Variants in GPC6 observed in about 807,000 individuals in gnomAD.
GPC6 encodes the protein glypican 6.
GPC6 carries 14 observed loss-of-function variants against 55.2 expected under a neutral mutation model. That is an observed-to-expected ratio of 0.25 (90% CI 0.17 to 0.40). The LOEUF (loss-of-function observed/expected upper bound fraction) is 0.40. GPC6 is among the 10% of genes least tolerant of loss of function. The pLI, the probability that GPC6 is intolerant of heterozygous loss-of-function variation, is 1.00. For missense variants in GPC6, 641 were observed against 708.5 expected, an observed-to-expected ratio of 0.90 and a Z score of 1.08; for synonymous variants, 278 against 259.6, an observed-to-expected ratio of 1.07 and a Z score of -0.68.
At chr13:93,674,008 A>G (rs1029243992) in intron 2 of GPC6, among the ~76,000 whole-genome samples, 2 of 152,052 alleles carry the variant, frequency 1.3e-5, no homozygotes, top group African/African-American at 4.8e-5. Context: ...ATACAAAAAG[A>G]TGAATTATAG....
intron 1 of GPC6, among the ~76,000 whole-genome samples, chr13:93,278,313 C>A (rs910703296): frequency 6.6e-6 from 1 of 152,116 alleles, no homozygotes; most frequent in Non-Finnish European, 1.5e-5. Flanking sequence ...CCATCTTAAC[C>A]ATTTTTAAGT....
intron 2 of GPC6, among the ~76,000 whole-genome samples, chr13:93,720,826 C>T (rs1267183630): frequency 1.3e-5 from 2 of 151,930 alleles, no homozygotes; most frequent in Non-Finnish European, 2.9e-5. Context: ...ATTATTTACC[C>T]GGTAATCATT....
intron 3 of GPC6, among the ~76,000 whole-genome samples, chr13:93,915,610 A>G (rs1298008333): frequency 6.6e-6 from 1 of 152,254 alleles, no homozygotes; most frequent in Admixed American, 6.5e-5. Context: ...ACTCAGTATC[A>G]GGAATGGCTG....
intron 2 of GPC6, among the ~76,000 whole-genome samples, chr13:93,749,190 G>A (rs1186473354): frequency 1.3e-5 from 2 of 151,712 alleles, no homozygotes; most frequent in African/African-American, 2.4e-5. Flanking sequence ...TTTAATCCTG[G>A]AATTTTCTTA....
intron 2 of GPC6, among the ~76,000 whole-genome samples, chr13:93,666,257 G>A (rs1881129359): frequency 6.6e-6 from 1 of 151,830 alleles, no homozygotes; most frequent in African/African-American, 2.4e-5. Context: ...AAAGATTCTT[G>A]CCACAAATTT....
intron 2 of GPC6, among the ~76,000 whole-genome samples, chr13:93,589,640 A>G (rs894907731): frequency 1.3e-5 from 2 of 152,190 alleles, no homozygotes; most frequent in African/African-American, 4.8e-5. Context: ...TCCAGTGACT[A>G]AAGTCTGGGA....
chr13:94,338,229 G>A (rs1181362937), intron 6 of GPC6, among the ~76,000 whole-genome samples: 1 of 152,208 alleles, frequency 6.6e-6, no homozygotes, highest in Admixed American at 6.5e-5. Flanking sequence ...GTAATCTCCA[G>A]GGATTACTAA....
chr13:93,264,770 GTTATA>G (rs1038114200), intron 1 of GPC6, among the ~76,000 whole-genome samples: 3 of 151,716 alleles, frequency 2.0e-5, no homozygotes, highest in African/African-American at 7.3e-5. Context: ...ATAAATAGTT[GTTATA>G]TTATATTTTA....
chr13:93,325,737 G>T (rs2139129490), intron 1 of GPC6, among the ~76,000 whole-genome samples: 1 of 152,018 alleles, frequency 6.6e-6, no homozygotes, highest in South Asian at 2.1e-4. Context: ...AAAAGAAAGA[G>T]AGAAAAAAAG....
In GPC6 at chr13:94,403,897, C is replaced by T. The variant is rs920788847; in HGVS notation, c.*680C>T. ...GTCTTTAATATGAGAACACAAATTA[C>T]TACAACTCAGTACCTCTGTCTTACT... On this transcript the variant is annotated 3_prime_UTR_variant, in exon 9 of 9. Coordinates refer to ENST00000377047, the MANE Select transcript of GPC6 (RefSeq NM_005708.5). The T allele has an allele frequency of 1.3e-5, 2 of 157,276 alleles. No individual in the cohort carries two copies. The highest frequency in any genetic ancestry group is 2.8e-5 in the Non-Finnish European group (2 of 71,136). The allele number at this position is 157,276 out of a possible 1,614,324, so 9.7% of individuals were successfully genotyped here. A position where few individuals can be genotyped will look rare whatever the true frequency, so the allele number is the denominator to read the frequency against.
chr13:93,715,429 A>G (rs1883218150), intron 2 of GPC6, among the ~76,000 whole-genome samples: 1 of 151,460 alleles, frequency 6.6e-6, no homozygotes, highest in Non-Finnish European at 1.5e-5. Flanking sequence ...GGACATAAAG[A>G]TGGCAGTAAT....
At chr13:94,093,388 C>G (rs903965285) in intron 4 of GPC6, among the ~76,000 whole-genome samples, 1 of 151,962 alleles carries the variant, frequency 6.6e-6, no homozygotes, top group Admixed American at 6.6e-5. Flanking sequence ...GTATTCTTGG[C>G]ATGGTTTTTG....
chr13:94,183,029 C>T (rs1043658696), intron 4 of GPC6, among the ~76,000 whole-genome samples: 2 of 152,188 alleles, frequency 1.3e-5, no homozygotes, highest in Non-Finnish European at 2.9e-5. Flanking sequence ...CCTTCTGCCT[C>T]AGCTTCCCAA....
chr13:93,899,775 G>A (rs1045309981), intron 3 of GPC6, among the ~76,000 whole-genome samples: 1 of 152,076 alleles, frequency 6.6e-6, no homozygotes, highest in Non-Finnish European at 1.5e-5. Flanking sequence ...AATTTTACTT[G>A]TGTCTGTCAA....
chr13:93,846,541 G>A (rs574567103), intron 3 of GPC6, among the ~76,000 whole-genome samples: 5 of 152,284 alleles, frequency 3.3e-5, no homozygotes, highest in East Asian at 3.9e-4. Flanking sequence ...GGCTGGGCAC[G>A]GTGGCTCACG....
intron 4 of GPC6, among the ~76,000 whole-genome samples, chr13:94,143,857 C>T (rs1887466347): frequency 1.3e-5 from 2 of 152,176 alleles, no homozygotes; most frequent in South Asian, 4.1e-4. Flanking sequence ...CTCCACTACA[C>T]TCCAGCCTGG....
At chr13:93,278,011 C>T (rs914936637) in intron 1 of GPC6, among the ~76,000 whole-genome samples, 1 of 151,998 alleles carries the variant, frequency 6.6e-6, no homozygotes, top group African/African-American at 2.4e-5. Context: ...TACTATAGTT[C>T]CTGGAAAGAG....
chr13:93,335,254 A>G (rs1880006405), intron 1 of GPC6, among the ~76,000 whole-genome samples: 1 of 152,246 alleles, frequency 6.6e-6, no homozygotes, highest in Non-Finnish European at 1.5e-5. Flanking sequence ...AATAGCTAAC[A>G]CAATAGTTAA....
chr13:94,334,474 C>A (rs1476249339), intron 6 of GPC6, among the ~76,000 whole-genome samples: 2 of 152,188 alleles, frequency 1.3e-5, no homozygotes. Flanking sequence ...CCATGAAATT[C>A]TAGTGTAAAA....
Sources: gnomAD v4.1 joint callset for allele counts (sites outside exome capture counted in the v4.1 genomes callset) on GRCh38, gnomAD v4.1.1 for gene constraint, MANE v1.5 for transcripts, NCBI Gene and HGNC (gene_info 2026-07-23, HGNC 2026-07-21) for gene names.